The following TAMM41 variants were observed in gnomAD, a reference collection of about 807,000 sequenced individuals.
The protein encoded by TAMM41 is phosphatidate cytidylyltransferase, mitochondrial.
A neutral mutation model predicts 44.1 loss-of-function variants in TAMM41; 36 were observed. The observed-to-expected ratio is 0.82, with a 90% CI of 0.63 to 1.08. TAMM41 has a LOEUF of 1.08. TAMM41 is among the 50% of genes least tolerant of loss of function. The pLI is 0.00. For missense variants in TAMM41, 417 were observed against 404.3 expected (o/e 1.03, Z -0.27); for synonymous variants, 164 against 153.1 (o/e 1.07, Z -0.53).
At chr3:11,770,688 AT>A in the TAMM41 span, among the ~76,000 whole-genome samples, 1 of 152,208 alleles carries the variant, frequency 6.6e-6, no homozygotes, top group Non-Finnish European at 1.5e-5. Context: ...GCTGAGCCAC[AT>A]ACCAGGAAGG....
chr3:11,761,214 A>G, the TAMM41 span, among the ~76,000 whole-genome samples: 1 of 148,876 alleles, frequency 6.7e-6, no homozygotes, highest in African/African-American at 2.4e-5. Flanking sequence ...TTTTCATTTT[A>G]TCTGGAATGA....
chr3:11,770,353 T>C, the TAMM41 span, among the ~76,000 whole-genome samples: 2 of 152,110 alleles, frequency 1.3e-5, no homozygotes, highest in Non-Finnish European at 2.9e-5. Context: ...GGGTGTCTGG[T>C]CCAGCCTCTC....
chr3:11,778,256 G>A, the TAMM41 span, among the ~76,000 whole-genome samples: 13 of 151,904 alleles, frequency 8.6e-5, no homozygotes, highest in South Asian at 1.2e-3. Context: ...ACAGGGTCTC[G>A]TTCTGTCACC....
chr3:11,752,625 CTTTTTTT>C, the TAMM41 span, among the ~76,000 whole-genome samples: 26 of 39,950 alleles, frequency 6.5e-4, no homozygotes, highest in African/African-American at 1.9e-3. Flanking sequence ...TCTTACAAAG[CTTTTTTT>C]TTTTTTTTTT....
chr3:11,731,749 G>C, the TAMM41 span, among the ~76,000 whole-genome samples: 4 of 152,144 alleles, frequency 2.6e-5, no homozygotes, highest in Admixed American at 6.6e-5. Context: ...GATCTTTGAG[G>C]CTGCTACAAA....
At chr3:11,764,583 C>G in the TAMM41 span, among the ~76,000 whole-genome samples, 1 of 145,536 alleles carries the variant, frequency 6.9e-6, no homozygotes, top group Non-Finnish European at 1.5e-5. Context: ...AGCTCCGCCT[C>G]CCACGTTCAC....
At chr3:11,755,597 GTC>G in the TAMM41 span, among the ~76,000 whole-genome samples, 452 of 152,270 alleles carry the variant, frequency 3.0e-3, 7 homozygotes, top group African/African-American at 0.01. Flanking sequence ...GGGCGGGGAT[GTC>G]CAGCTTGAAC....
the TAMM41 span, among the ~76,000 whole-genome samples, chr3:11,765,632 C>A: frequency 2.0e-5 from 3 of 151,946 alleles, no homozygotes; most frequent in African/African-American, 7.3e-5. Flanking sequence ...GATATAAGAC[C>A]ATATTTTAGA....
chr3:11,732,871 G>A, the TAMM41 span, among the ~76,000 whole-genome samples: 2 of 152,156 alleles, frequency 1.3e-5, no homozygotes, highest in Non-Finnish European at 2.9e-5. Flanking sequence ...GGGGTTGGGG[G>A]GACAAATTCA....
the TAMM41 span, among the ~76,000 whole-genome samples, chr3:11,732,838 G>T: frequency 7.9e-5 from 12 of 152,222 alleles, no homozygotes; most frequent in African/African-American, 2.9e-4. Flanking sequence ...AGGAAGGCCT[G>T]GGTGGCTGGA....
the TAMM41 span, among the ~76,000 whole-genome samples, chr3:11,764,486 C>CTTT: frequency 7.6e-3 from 517 of 68,166 alleles, 8 homozygotes; most frequent in Non-Finnish European, 9.2e-3. Context: ...TAATCTTATT[C>CTTT]TTTTTTTTTT....
chr3:11,825,459 A>G (rs1212844527), intron 4 of TAMM41, among the ~76,000 whole-genome samples: 2 of 152,284 alleles, frequency 1.3e-5, no homozygotes, highest in South Asian at 2.1e-4. Context: ...AGATGGCTTC[A>G]TCACCACAGA....
At chr3:11,829,069 C>T (rs2078877028) in intron 4 of TAMM41, among the ~76,000 whole-genome samples, 2 of 152,110 alleles carry the variant, frequency 1.3e-5, no homozygotes, top group Non-Finnish European at 2.9e-5. Flanking sequence ...AGGGGCTCTA[C>T]CCTCTCAGTT....
chr3:11,724,796 C>G, the TAMM41 span: 1 of 152,310 alleles, frequency 6.6e-6, no homozygotes, highest in Admixed American at 6.5e-5. Flanking sequence ...GTAGGAAGGA[C>G]GCGTTGTGGC....
At chr3:11,754,201 C>T in the TAMM41 span, among the ~76,000 whole-genome samples, 6 of 152,004 alleles carry the variant, frequency 3.9e-5, no homozygotes, top group African/African-American at 1.2e-4. Context: ...TCAAAACTTG[C>T]GCAAAGCCAC....
the TAMM41 span, among the ~76,000 whole-genome samples, chr3:11,751,780 A>C: frequency 3.3e-5 from 5 of 152,176 alleles, no homozygotes; most frequent in Non-Finnish European, 7.3e-5. Context: ...TCTCTACTTT[A>C]ATGGTTCTTG....
At chr3:11,729,538 C>CTTTTTTTTTT in the TAMM41 span, among the ~76,000 whole-genome samples, 89 of 65,524 alleles carry the variant, frequency 1.4e-3, 19 homozygotes, top group African/African-American at 4.3e-3. Flanking sequence ...TTCTTTCTTT[C>CTTTTTTTTTT]ATTTTTTTTT....
chr3:11,725,305 CT>C, the TAMM41 span, among the ~76,000 whole-genome samples: 4 of 81,116 alleles, frequency 4.9e-5, no homozygotes, highest in African/African-American at 1.3e-4. Context: ...TCTCCTCCTC[CT>C]TTTTTTCTTC....
chr3:11,832,999 T>C, intron 3 of TAMM41: 2 of 1,050,092 alleles, frequency 1.9e-6, no homozygotes, highest in South Asian at 5.6e-5. Context: ...AAAAGCATCC[T>C]TACTCAAAGG....
Sources: allele counts gnomAD v4.1 joint callset (sites outside exome capture counted in the v4.1 genomes callset), GRCh38; gene constraint gnomAD v4.1.1; transcripts MANE v1.5; gene names NCBI Gene and HGNC (gene_info 2026-07-23, HGNC 2026-07-21).